The following LRMDA variants were observed in gnomAD, a reference collection of about 807,000 sequenced individuals.
LRMDA encodes the protein leucine rich melanocyte differentiation associated.
Under a neutral mutation model 29.8 loss-of-function variants are expected in LRMDA, and 18 were observed. The observed-to-expected ratio is 0.60, with a 90% CI of 0.42 to 0.90. The LOEUF is 0.90. Ranked by LOEUF, LRMDA falls within the 40% of genes least tolerant of loss-of-function variation. LRMDA has a pLI of 0.00. For synonymous variants in LRMDA, 125 were observed against 109.4 expected (o/e 1.14, Z -0.89); for missense variants, 273 against 273.9 (o/e 1.00, Z 0.02).
intron 6 of LRMDA, among the ~76,000 whole-genome samples, chr10:76,370,454 T>G (rs1841441319): frequency 6.6e-6 from 1 of 152,196 alleles, no homozygotes; most frequent in African/African-American, 2.4e-5. Flanking sequence ...CCAATCATGT[T>G]AGAGAAATGG....
At chr10:76,129,372 T>A (rs1041460329) in intron 5 of LRMDA, among the ~76,000 whole-genome samples, 1 of 152,204 alleles carries the variant, frequency 6.6e-6, no homozygotes, top group African/African-American at 2.4e-5. Flanking sequence ...GCCAGGCTGT[T>A]GCCCAAATTG....
intron 5 of LRMDA, among the ~76,000 whole-genome samples, chr10:76,144,185 G>C (rs532062554): frequency 5.3e-5 from 8 of 152,178 alleles, no homozygotes; most frequent in Admixed American, 4.6e-4. Flanking sequence ...GCTCTTTTTT[G>C]GTTCCATATG....
At chr10:75,804,115 C>G (rs1843806647) in intron 2 of LRMDA, among the ~76,000 whole-genome samples, 1 of 152,172 alleles carries the variant, frequency 6.6e-6, no homozygotes, top group Non-Finnish European at 1.5e-5. Context: ...CTGTTTTATT[C>G]CTCCCCAAGG....
intron 2 of LRMDA, among the ~76,000 whole-genome samples, chr10:75,499,418 G>A (rs749090453): frequency 2.6e-5 from 4 of 152,282 alleles, no homozygotes; most frequent in East Asian, 1.9e-4. Flanking sequence ...GTCTGGCTTC[G>A]TACTCCCCAG....
chr10:75,911,377 A>C (rs1200041057), intron 2 of LRMDA, among the ~76,000 whole-genome samples: 1 of 152,284 alleles, frequency 6.6e-6, no homozygotes, highest in South Asian at 2.1e-4. Context: ...TCTCAATCCC[A>C]GTTCCTGGGC....
chr10:75,891,166 G>A (rs1367114580), intron 2 of LRMDA, among the ~76,000 whole-genome samples: 6 of 149,748 alleles, frequency 4.0e-5, no homozygotes, highest in Non-Finnish European at 8.9e-5. Flanking sequence ...GTGTAGCGTA[G>A]TGGCTGGCCC....
chr10:75,813,064 T>C (rs1438014254), intron 2 of LRMDA, among the ~76,000 whole-genome samples: 1 of 151,756 alleles, frequency 6.6e-6, no homozygotes. Flanking sequence ...TGGGACAAAG[T>C]GAGGCTTTTT....
intron 5 of LRMDA, among the ~76,000 whole-genome samples, chr10:76,120,281 C>T (rs182625184): frequency 4.0e-5 from 6 of 151,718 alleles, no homozygotes; most frequent in South Asian, 4.2e-4. Flanking sequence ...CTCTGCCTCC[C>T]GGGTTCAAGT....
At chr10:76,475,100 C>A (rs1842653897) in intron 6 of LRMDA, among the ~76,000 whole-genome samples, 1 of 151,392 alleles carries the variant, frequency 6.6e-6, no homozygotes, top group Admixed American at 6.6e-5. Flanking sequence ...GTAAAAAAAC[C>A]CAGTTACCAA....
At chr10:76,014,127 TA>T (rs1476962831) in intron 2 of LRMDA, among the ~76,000 whole-genome samples, 5 of 26,730 alleles carry the variant, frequency 1.9e-4, no homozygotes, top group Non-Finnish European at 4.9e-4. Context: ...TATATATAAT[TA>T]TATATATATA....
At chr10:75,450,012 G>C (rs1844441942) in intron 2 of LRMDA, 1 of 152,218 alleles carries the variant, frequency 6.6e-6, no homozygotes, top group Non-Finnish European at 1.5e-5. Context: ...GGACTGTAGT[G>C]TTGGTGATTT....
chr10:75,637,916 C>T (rs1299288086), intron 2 of LRMDA, among the ~76,000 whole-genome samples: 1 of 152,194 alleles, frequency 6.6e-6, no homozygotes, highest in African/African-American at 2.4e-5. Flanking sequence ...CACCTGAATC[C>T]TCTCTCATTA....
chr10:76,553,211 C>T (rs1188085974), intron 6 of LRMDA, among the ~76,000 whole-genome samples: 1 of 152,204 alleles, frequency 6.6e-6, no homozygotes, highest in Non-Finnish European at 1.5e-5. Flanking sequence ...TGCACGTCAG[C>T]CTGACACAGG....
intron 5 of LRMDA, among the ~76,000 whole-genome samples, chr10:76,118,923 G>A (rs1849716261): frequency 7.0e-6 from 1 of 143,788 alleles, no homozygotes; most frequent in African/African-American, 2.6e-5. Flanking sequence ...TCTCCCTGGT[G>A]CCCTGGTAGC....
At chr10:75,842,073 T>A (rs1197802641) in intron 2 of LRMDA, among the ~76,000 whole-genome samples, 1 of 152,356 alleles carries the variant, frequency 6.6e-6, no homozygotes, top group East Asian at 1.9e-4. Flanking sequence ...AATTTTAACA[T>A]TATCAATGAA....
intron 2 of LRMDA, among the ~76,000 whole-genome samples, chr10:75,631,536 C>T (rs1374654820): frequency 1.3e-5 from 2 of 152,162 alleles, no homozygotes; most frequent in African/African-American, 2.4e-5. Context: ...AATACCCTCA[C>T]GTCCTTTGTG....
rs144670233 is a variant in LRMDA, at chr10:76,033,589, T to A, written c.132-2419T>A. On this transcript the variant is annotated intron_variant, in intron 2 of 6. Coordinates refer to ENST00000611255, the MANE Select transcript of LRMDA (RefSeq NM_001305581.2). ...AAAGGAGCTTTCTTCTGCTTGCCAG[T>A]TGCCAACCATTTGCTGATTCTCATC... Among the ~76,000 whole-genome samples, 113 of 152,248 alleles carry A rather than the reference T, an allele frequency of 7.4e-4. 2 individuals are homozygous for A. In the East Asian group the frequency reaches 0.015, roughly 20 times the overall value.
At chr10:75,618,378 C>CTA (rs1442553253) in intron 2 of LRMDA, among the ~76,000 whole-genome samples, 452 of 62,550 alleles carry the variant, frequency 7.2e-3, no homozygotes, top group African/African-American at 0.022. Flanking sequence ...CTCTCTCTCT[C>CTA]TCTCTATATA....
At chr10:76,063,870 G>A (rs559461226) in intron 5 of LRMDA, among the ~76,000 whole-genome samples, 18 of 152,188 alleles carry the variant, frequency 1.2e-4, no homozygotes, top group African/African-American at 3.6e-4. Context: ...GGATGAAGAC[G>A]GAATGATTCA....
Sources: allele counts gnomAD v4.1 joint callset (sites outside exome capture counted in the v4.1 genomes callset), GRCh38; gene constraint gnomAD v4.1.1; transcripts MANE v1.5; gene names NCBI Gene and HGNC (gene_info 2026-07-23, HGNC 2026-07-21).